The following HUWE1 variants were observed in gnomAD, a reference collection of about 807,000 sequenced individuals.
HUWE1 encodes HECT, UBA and WWE domain containing E3 ubiquitin protein ligase 1, also known as E3 ubiquitin-protein ligase HUWE1.
In HUWE1, 18 loss-of-function variants were observed where a neutral mutation model predicts 299.4. The ratio of observed to expected loss-of-function variants is 0.06; its 90% confidence interval spans 0.04 to 0.09. The LOEUF (loss-of-function observed/expected upper bound fraction) is 0.09. Ranked by LOEUF, HUWE1 falls within the 10% of genes least tolerant of loss-of-function variation. The probability of loss-of-function intolerance (pLI) is 1.00; values close to 1 mark genes in which losing one functional copy is unlikely to be tolerated. For missense variants in HUWE1, 1,832 were observed against 3,462.3 expected (o/e 0.53, Z 11.82); for synonymous variants, 1,317 against 1,286.1 (o/e 1.02, Z -0.51).
At chrX:53,539,556 T>A (rs1556916486) in intron 75 of HUWE1, 101 bp downstream of exon 75, 13 of 805,860 alleles carry the variant, frequency 1.6e-5, no homozygotes, top group Non-Finnish European at 2.4e-5. Flanking sequence ...ACAGAGACAC[T>A]GAGGGAGAGG....
chrX:53,583,305 TAAAAAAAA>T (rs1229735699), intron 42 of HUWE1, among the ~76,000 whole-genome samples: 4 of 91,054 alleles, frequency 4.4e-5, no homozygotes, highest in Non-Finnish European at 6.7e-5. Flanking sequence ...AAACCTAGAT[TAAAAAAAA>T]AAAAAGAAAA....
intron 55 of HUWE1, 56 bp from the exon 56 acceptor site, chrX:53,560,472 G>A: frequency 9.5e-7 from 1 of 1,048,936 alleles, no homozygotes; most frequent in South Asian, 1.9e-5. Context: ...TTCCATGTTT[G>A]TTCAAGCAGA....
chrX:53,562,393 G>A, intron 53 of HUWE1, 149 bp from the exon 54 acceptor site: 1 of 723,850 alleles, frequency 1.4e-6, no homozygotes, highest in Non-Finnish European at 2.1e-6. Flanking sequence ...GACTTAGTGA[G>A]CCAGACCCGA....
chrX:53,674,951 C>T, intron 3 of HUWE1, among the ~76,000 whole-genome samples: 1 of 112,065 alleles, frequency 8.9e-6, no homozygotes, highest in East Asian at 2.8e-4. Context: ...ACCTTATCTT[C>T]GTACTTTACA....
chrX:53,656,566 A>AAT, intron 3 of HUWE1, among the ~76,000 whole-genome samples: 1 of 95,674 alleles, frequency 1.0e-5, no homozygotes, highest in Non-Finnish European at 2.2e-5. Context: ...AAAAAAGAAA[A>AAT]ATCAAAGCTC....
intron 3 of HUWE1, among the ~76,000 whole-genome samples, chrX:53,667,397 G>A (rs1451615761): frequency 5.4e-5 from 6 of 111,932 alleles, no homozygotes; most frequent in Non-Finnish European, 1.1e-4. Context: ...TGCACTTACT[G>A]TACCCAACCG....
rs2064044629 is a variant in HUWE1 at position 53,589,565 on chromosome X, C to T, written c.4443G>A (p.Leu1481=). ...RNGADYRDMI[L]KQVVNQVWEA... is the part of the protein sequence containing the mutation. ...AGCTCACCTGATTGACTACTTGCTT[C>T]AGAATCATGTCACGATAATCTGCTC... Residue 1481 remains leucine, a synonymous_variant, in exon 36 of 84, where the codon CTG becomes CTA. Transcript: ENST00000262854. The T allele has an allele frequency of 8.3e-7, 1 of 1,209,718 alleles. No homozygotes were observed. Among genetic ancestry groups the T allele is most frequent in the Non-Finnish European group, 1.1e-6 (1 of 894,991 alleles).
At chrX:53,680,645 A>G in intron 2 of HUWE1, 1 of 112,346 alleles carries the variant, frequency 8.9e-6, no homozygotes, top group Admixed American at 9.4e-5. Flanking sequence ...AACCTTAGAC[A>G]AAGTTTTTAT....
At position 53,639,692 on chromosome X, in the gene HUWE1, C is replaced by T. The variant is rs138516172; in HGVS notation, c.505-5394G>A. Among the ~76,000 whole-genome samples, 7 of 112,022 alleles carry T rather than the reference C, an allele frequency of 6.2e-5. 1 individual carries two copies. In the East Asian group the frequency reaches 1.4e-3, roughly 22 times the overall value. On this transcript the variant is annotated intron_variant, in intron 7 of 83. Transcript: ENST00000262854. The stretch of plus-strand genomic sequence containing the variant: ...GGCTGTACTGAAAATAATCATGTGA[C>T]AATATGCATGCACTTATAAAATAAT...
chrX:53,545,295 C>T (rs952091491), intron 70 of HUWE1, 134 bp from the exon 71 acceptor site: 1 of 640,197 alleles, frequency 1.6e-6, no homozygotes, highest in East Asian at 3.6e-5. Flanking sequence ...GAGCTGGAAT[C>T]GTGCTCTGTT....
At chrX:53,637,305 A>G (rs1414062363) in intron 7 of HUWE1, among the ~76,000 whole-genome samples, 1 of 112,557 alleles carries the variant, frequency 8.9e-6, no homozygotes, top group Non-Finnish European at 1.9e-5. Flanking sequence ...TTAATACCTA[A>G]TAAGTACTTC....
intron 3 of HUWE1, among the ~76,000 whole-genome samples, chrX:53,659,931 A>G (rs1255836898): frequency 7.1e-5 from 8 of 112,600 alleles, no homozygotes; most frequent in Non-Finnish European, 1.5e-4. Context: ...TAAGCAAATC[A>G]CAACCATTTT....
At chrX:53,628,036 T>C (rs1474970911) in intron 15 of HUWE1, among the ~76,000 whole-genome samples, 157 bp from the exon 16 acceptor site, 2 of 111,512 alleles carry the variant, frequency 1.8e-5, no homozygotes, top group African/African-American at 6.5e-5. Context: ...AAATGACAGT[T>C]CTATGACTTC....
chrX:53,565,363 T>TA, intron 49 of HUWE1, 124 bp from the exon 50 acceptor site: 2 of 637,707 alleles, frequency 3.1e-6, no homozygotes, highest in South Asian at 6.5e-5. Flanking sequence ...GTCGTACAAC[T>TA]AACACTCTAC....
intron 48 of HUWE1, 53 bp from the exon 49 acceptor site, chrX:53,568,927 C>T (rs1444607910): frequency 2.3e-5 from 24 of 1,052,335 alleles, no homozygotes; most frequent in South Asian, 6.1e-5. Context: ...ATTTCTCAGG[C>T]CAAGTCTTCA....
At chrX:53,575,323 T>A in intron 45 of HUWE1, 102 bp from the exon 46 acceptor site, 1 of 618,653 alleles carries the variant, frequency 1.6e-6, no homozygotes, top group Non-Finnish European at 2.7e-6. Flanking sequence ...TGCCACAGAT[T>A]CTCTTTGGCC....
intron 29 of HUWE1, among the ~76,000 whole-genome samples, chrX:53,599,910 C>A (rs981066345): frequency 1.8e-5 from 2 of 111,941 alleles, no homozygotes; most frequent in African/African-American, 6.5e-5. Flanking sequence ...GTAGATATGG[C>A]TCTCAGGAAG....
At chrX:53,671,307 A>C (rs1487704048) in intron 3 of HUWE1, among the ~76,000 whole-genome samples, 1 of 111,680 alleles carries the variant, frequency 9.0e-6, no homozygotes, top group Non-Finnish European at 1.9e-5. Context: ...TTAAATATGG[A>C]TCTCATAAAT....
intron 41 of HUWE1, 95 bp downstream of exon 41, chrX:53,584,091 T>C (rs1393903268): frequency 3.3e-6 from 3 of 903,356 alleles, no homozygotes; most frequent in African/African-American, 3.9e-5. Flanking sequence ...CTTTAATCTG[T>C]TAATCAAGCT....
Sources: allele counts gnomAD v4.1 joint callset (sites outside exome capture counted in the v4.1 genomes callset), GRCh38; gene constraint gnomAD v4.1.1; transcripts MANE v1.5; gene names NCBI Gene and HGNC (gene_info 2026-07-23, HGNC 2026-07-21).